The following IRF2 variants were observed in gnomAD, a reference collection of about 807,000 sequenced individuals.
IRF2 encodes interferon regulatory factor 2.
In IRF2, 15 loss-of-function variants were observed where a neutral mutation model predicts 40.6. That is an observed-to-expected ratio of 0.37 (90% CI 0.25 to 0.57). The LOEUF (loss-of-function observed/expected upper bound fraction) is 0.57, where lower values mean the gene tolerates loss of function less well. IRF2 is among the 20% of genes least tolerant of loss of function. The pLI is 0.77. For synonymous variants in IRF2, 151 were observed against 165.5 expected (o/e 0.91, Z 0.67); for missense variants, 317 against 455.7 (o/e 0.70, Z 2.77).
chr4:184,410,222 C>T (rs1031767224), intron 5 of IRF2, among the ~76,000 whole-genome samples: 3 of 152,224 alleles, frequency 2.0e-5, no homozygotes, highest in Admixed American at 2.0e-4. Context: ...CTGTAAGCCA[C>T]CCTAGGGCAC....
intron 1 of IRF2, among the ~76,000 whole-genome samples, chr4:184,451,707 C>A (rs1423395885): frequency 6.6e-6 from 1 of 152,162 alleles, no homozygotes; most frequent in Non-Finnish European, 1.5e-5. Flanking sequence ...CCAGCTGGCA[C>A]TGGACACCAC....
chr4:184,462,258 C>T (rs1178532815), intron 1 of IRF2, among the ~76,000 whole-genome samples: 7 of 152,172 alleles, frequency 4.6e-5, no homozygotes, highest in Non-Finnish European at 7.3e-5. Flanking sequence ...CTGGGAATTT[C>T]GCTGCTGAAG....
intron 7 of IRF2, among the ~76,000 whole-genome samples, chr4:184,395,346 G>C (rs1321291463): frequency 7.1e-6 from 1 of 141,270 alleles, no homozygotes; most frequent in African/African-American, 2.6e-5. Flanking sequence ...CCGGGAGGTG[G>C]AGCTTGCAGT....
rs138079976 is a variant in IRF2 at position 184,436,016 on chromosome 4, C to T, written c.-6-6946G>A. 6.6e-3 allele frequency among the ~76,000 whole-genome samples: 958 copies of T among 145,634 alleles called. 2 individuals are homozygous for T. Among genetic ancestry groups the T allele is most frequent in the Non-Finnish European group, 9.6e-3 (645 of 67,150 alleles). On this transcript the variant is annotated intron_variant, in intron 1 of 8. Coordinates refer to ENST00000393593, the MANE Select transcript of IRF2 (RefSeq NM_002199.4). ...TTTTTGAGACAGAGTCTCGCTCTGT[C>T]GTTGGGCTGGAGTGCAGTGGCTCGA... is the stretch of plus-strand genomic sequence containing the variant.
intron 5 of IRF2, among the ~76,000 whole-genome samples, chr4:184,415,522 T>G (rs978967982): frequency 6.6e-6 from 1 of 152,238 alleles, no homozygotes; most frequent in Non-Finnish European, 1.5e-5. Flanking sequence ...ACTACTAAGA[T>G]GTACATTTCC....
chr4:184,387,940 T>C lies in IRF2; in HGVS notation c.*818A>G, dbSNP rs1278654030. On this transcript the variant is annotated 3_prime_UTR_variant, in exon 9 of 9. Transcript: ENST00000393593. ...AAACAATTATATTTTATTTAGAATT[T>C]TACCTTGAATAAAATATTCCCCTGT... The C allele has an allele frequency of 1.3e-5, 2 of 152,626 alleles. No individual in the cohort carries two copies. The highest frequency in any genetic ancestry group is 2.4e-5 in the African/African-American group (1 of 41,448). The allele number at this position is 152,626 out of a possible 1,614,324, so 9.5% of individuals were successfully genotyped here.
intron 1 of IRF2, among the ~76,000 whole-genome samples, chr4:184,466,303 G>A (rs1038039673): frequency 1.3e-4 from 20 of 151,966 alleles, no homozygotes; most frequent in Non-Finnish European, 1.2e-4. Context: ...CGCCCGCCTC[G>A]GCCTCCCAAA....
intron 6 of IRF2, among the ~76,000 whole-genome samples, chr4:184,404,462 C>G (rs992436130): frequency 2.6e-5 from 4 of 152,158 alleles, no homozygotes; most frequent in African/African-American, 7.2e-5. Context: ...TCACTTCATC[C>G]TCACAATAAC....
intron 1 of IRF2, among the ~76,000 whole-genome samples, chr4:184,430,720 G>A (rs753769777): frequency 6.6e-6 from 1 of 152,140 alleles, no homozygotes; most frequent in Non-Finnish European, 1.5e-5. Flanking sequence ...TCTGGAGGCA[G>A]GGTCTCACTC....
At chr4:184,450,734 G>A (rs535974942) in intron 1 of IRF2, among the ~76,000 whole-genome samples, 69 of 151,958 alleles carry the variant, frequency 4.5e-4, no homozygotes, top group Non-Finnish European at 8.4e-4. Context: ...CTTTATGATG[G>A]CATTTGTAAT....
chr4:184,473,463 G>A (rs1431199679), intron 1 of IRF2, among the ~76,000 whole-genome samples: 4 of 147,576 alleles, frequency 2.7e-5, no homozygotes, highest in Non-Finnish European at 6.0e-5. Flanking sequence ...GTGCCTTCCT[G>A]GGACGCGCCG....
chr4:184,419,804 T>C (rs1339925632), intron 2 of IRF2, among the ~76,000 whole-genome samples: 3 of 152,158 alleles, frequency 2.0e-5, no homozygotes, highest in Non-Finnish European at 4.4e-5. Context: ...AGCAGGAATG[T>C]TTTCCAAGGT....
At chr4:184,461,310 T>A (rs903986554) in intron 1 of IRF2, among the ~76,000 whole-genome samples, 8 of 152,072 alleles carry the variant, frequency 5.3e-5, no homozygotes, top group Admixed American at 1.3e-4. Flanking sequence ...GAGTCTGTTT[T>A]AAAAAAAATA....
chr4:184,423,184 C>T (rs531399571), intron 2 of IRF2, among the ~76,000 whole-genome samples: 3 of 152,184 alleles, frequency 2.0e-5, no homozygotes, highest in East Asian at 1.9e-4. Flanking sequence ...GACCCCGTGA[C>T]GTCAGTATGT....
chr4:184,467,009 G>A (rs535653468), intron 1 of IRF2, among the ~76,000 whole-genome samples: 2 of 152,298 alleles, frequency 1.3e-5, no homozygotes, highest in African/African-American at 4.8e-5. Flanking sequence ...TTGTGATGCA[G>A]CAACATCACT....
intron 7 of IRF2, among the ~76,000 whole-genome samples, chr4:184,398,093 G>C (rs1736531243): frequency 6.6e-6 from 1 of 152,186 alleles, no homozygotes; most frequent in Non-Finnish European, 1.5e-5. Context: ...AAGTACGCTT[G>C]GTGGATGGAA....
chr4:184,451,899 A>G (rs916695267), intron 1 of IRF2, among the ~76,000 whole-genome samples: 91 of 152,268 alleles, frequency 6.0e-4, no homozygotes, highest in African/African-American at 2.0e-3. Context: ...ATAAACAGGG[A>G]TGGAACAAGA....
chr4:184,407,226 C>T, intron 6 of IRF2: 1 of 1,289,262 alleles, frequency 7.8e-7, no homozygotes, highest in South Asian at 1.2e-5. Context: ...CAGCATGCTG[C>T]TGGCTTCTTC....
At chr4:184,394,216 G>A (rs953561382) in intron 7 of IRF2, among the ~76,000 whole-genome samples, 106 of 152,078 alleles carry the variant, frequency 7.0e-4, no homozygotes, top group African/African-American at 2.5e-3. Context: ...ATCTAGGGTG[G>A]GAGGGAAGGG....
Sources: allele counts gnomAD v4.1 joint callset (sites outside exome capture counted in the v4.1 genomes callset), GRCh38; gene constraint gnomAD v4.1.1; transcripts MANE v1.5; gene names NCBI Gene and HGNC (gene_info 2026-07-23, HGNC 2026-07-21).